Variants in FIP1L1 observed in about 807,000 individuals in gnomAD.
The protein encoded by FIP1L1 is factor interacting with PAPOLA and CPSF1.
FIP1L1 carries 21 observed loss-of-function variants against 84.6 expected under a neutral mutation model. The observed-to-expected ratio is 0.25, with a 90% CI of 0.18 to 0.36. The LOEUF (loss-of-function observed/expected upper bound fraction) is 0.36. Among genes scored for constraint, FIP1L1 ranks in the 10% least tolerant of loss-of-function variants. The pLI, the probability that FIP1L1 is intolerant of heterozygous loss-of-function variation, is 1.00. For missense variants in FIP1L1, 526 were observed against 751.1 expected (o/e 0.70, Z 3.50); for synonymous variants, 263 against 242.3 (o/e 1.09, Z -0.80).
chr4:53,414,860 G>A lies in FIP1L1; in HGVS notation c.923+138G>A, dbSNP rs1283303183. The A allele has an allele frequency of 9.3e-6, 5 of 539,408 alleles. No individual in the cohort carries two copies. The Admixed American group carries it at 1.7e-4, about 19-fold the overall frequency. 33.4% of individuals were successfully genotyped at this position (539,408 alleles called of 1,614,324 possible). A position where few individuals can be genotyped will look rare whatever the true frequency, so the allele number is the denominator to read the frequency against. The stretch of plus-strand genomic sequence containing the variant: ...TATGCTTTTTCAGGGTACAGTTGTA[G>A]GTTTTTTAGTTACCTTATAAATCAA... On this transcript the variant is annotated intron_variant, in intron 11 of 17. Transcript: ENST00000337488.
At position 53,377,768 on chromosome 4, in the gene FIP1L1, G is replaced by A; in HGVS notation, c.-71G>A. ...GGGTTCGCGCCCTTCTCGCGCCTCGGGGCTGCGAGGCTGGGGAAGGGGTTG... is the reference window on the plus strand; with the variant it reads ...GGGTTCGCGCCCTTCTCGCGCCTCGAGGCTGCGAGGCTGGGGAAGGGGTTG... On this transcript the variant is annotated 5_prime_UTR_variant, in exon 1 of 18. Coordinates refer to ENST00000337488, the MANE Select transcript of FIP1L1 (RefSeq NM_030917.4). 1 of 1,386,920 alleles carries A rather than the reference G, an allele frequency of 7.2e-7. No homozygotes were observed. The highest frequency in any genetic ancestry group is 1.5e-5 in the African/African-American group (1 of 67,926). The allele number at this position is 1,386,920 out of a possible 1,614,324, so 85.9% of individuals were successfully genotyped here.
intron 10 of FIP1L1, among the ~76,000 whole-genome samples, chr4:53,413,940 C>T (rs1758319005): frequency 6.6e-6 from 1 of 151,880 alleles, no homozygotes; most frequent in Admixed American, 6.6e-5. Context: ...TTTGTTTTTC[C>T]TGTGTTTCTT....
At chr4:53,410,247 C>T (rs1208471793) in intron 10 of FIP1L1, among the ~76,000 whole-genome samples, 4 of 152,084 alleles carry the variant, frequency 2.6e-5, no homozygotes, top group South Asian at 2.1e-4. Flanking sequence ...TTTTGATTTT[C>T]GGTCAGCTTA....
intron 5 of FIP1L1, among the ~76,000 whole-genome samples, chr4:53,389,066 A>AT (rs1428255323): frequency 7.2e-5 from 11 of 152,342 alleles, no homozygotes; most frequent in African/African-American, 2.6e-4. Context: ...ATGAAACATA[A>AT]TTGGCATCCT....
chr4:53,382,106 C>T (rs1417577600), intron 3 of FIP1L1, among the ~76,000 whole-genome samples, 172 bp from the exon 4 acceptor site: 4 of 151,994 alleles, frequency 2.6e-5, no homozygotes, highest in African/African-American at 7.3e-5. Context: ...GAGTACTTGT[C>T]TTCTGCAAGT....
chr4:53,408,427 AT>A (rs1315411112), intron 10 of FIP1L1, among the ~76,000 whole-genome samples: 2 of 151,826 alleles, frequency 1.3e-5, no homozygotes, highest in Non-Finnish European at 1.5e-5. Flanking sequence ...TGCCCTGAAC[AT>A]TTTTTCCTTC....
chr4:53,403,532 G>A (rs954784894), intron 10 of FIP1L1, among the ~76,000 whole-genome samples: 1 of 152,058 alleles, frequency 6.6e-6, no homozygotes, highest in Non-Finnish European at 1.5e-5. Flanking sequence ...GTAAAAATCC[G>A]TGCTTCGGAT....
rs1029347211 is a variant in FIP1L1, at chr4:53,453,259, AT to A, written c.1499+127del. The A allele has an allele frequency of 1.7e-5, 18 of 1,051,368 alleles. No homozygotes were observed. The Admixed American group carries it at 3.1e-4, about 18-fold the overall frequency. 65.1% of individuals were successfully genotyped at this position (1,051,368 alleles called of 1,614,324 possible). On this transcript the variant is annotated intron_variant, in intron 16 of 17. Transcript: ENST00000337488. ...TGCTCAGGGAGTACATAGGAAAGCC[AT>A]CTTAAAATGATAAAGGATTAGAGGC... is the stretch of plus-strand genomic sequence containing the variant.
At chr4:53,397,304 C>T (rs1490540866) in intron 9 of FIP1L1, among the ~76,000 whole-genome samples, 5 of 152,202 alleles carry the variant, frequency 3.3e-5, no homozygotes, top group Admixed American at 2.0e-4. Flanking sequence ...AGCTTTCCTT[C>T]ATTCCTCTTC....
intron 10 of FIP1L1, among the ~76,000 whole-genome samples, chr4:53,404,871 T>C (rs1752386836): frequency 6.6e-6 from 1 of 151,698 alleles, no homozygotes; most frequent in Non-Finnish European, 1.5e-5. Context: ...TTTTTTCTTG[T>C]AAATTTGTTT....
At chr4:53,445,376 C>T (rs1355122423) in intron 15 of FIP1L1, among the ~76,000 whole-genome samples, 2 of 152,084 alleles carry the variant, frequency 1.3e-5, no homozygotes, top group Non-Finnish European at 2.9e-5. Context: ...AATTTTCTCC[C>T]TACTCTTCCT....
At chr4:53,416,156 C>G (rs1308802388) in intron 11 of FIP1L1, among the ~76,000 whole-genome samples, 1 of 152,126 alleles carries the variant, frequency 6.6e-6, no homozygotes, top group Non-Finnish European at 1.5e-5. Flanking sequence ...CATAATTGTA[C>G]TAATACAACT....
At chr4:53,393,267 C>T (rs953886016) in intron 9 of FIP1L1, among the ~76,000 whole-genome samples, 1 of 152,126 alleles carries the variant, frequency 6.6e-6, no homozygotes, top group African/African-American at 2.4e-5. Context: ...AGGGCCTGAA[C>T]TCACTTATGA....
At chr4:53,402,822 G>A in intron 10 of FIP1L1, among the ~76,000 whole-genome samples, 1 of 152,204 alleles carries the variant, frequency 6.6e-6, no homozygotes. Flanking sequence ...AAAGGGATGA[G>A]ATGTAATATG....
Position 53,377,813 on chromosome 4 carries a change from G to C in FIP1L1, c.-26G>C. 5 of 1,533,982 alleles carry C rather than the reference G, an allele frequency of 3.3e-6. No individual in the cohort carries two copies. The highest frequency in any genetic ancestry group is 3.5e-6 in the Non-Finnish European group (4 of 1,137,410). ...GGGTTGGAGGGGGCTGTTGATCGCC[G>C]CGTTTAAGTTGCGCTCGGGGCGGCC... On this transcript the variant is annotated 5_prime_UTR_variant, in exon 1 of 18. Transcript: ENST00000337488.
At chr4:53,407,917 C>G (rs1470136183) in intron 10 of FIP1L1, among the ~76,000 whole-genome samples, 2 of 152,164 alleles carry the variant, frequency 1.3e-5, no homozygotes, top group Admixed American at 1.3e-4. Context: ...TTCCTGAATA[C>G]AGCACACTGA....
intron 10 of FIP1L1, among the ~76,000 whole-genome samples, chr4:53,413,984 A>G (rs180769508): frequency 2.0e-4 from 30 of 152,320 alleles, no homozygotes; most frequent in African/African-American, 7.2e-4. Context: ...AAACATGTAT[A>G]TATATCCTGT....
intron 15 of FIP1L1, among the ~76,000 whole-genome samples, chr4:53,448,239 G>A (rs368730896): frequency 4.6e-5 from 7 of 151,992 alleles, no homozygotes; most frequent in South Asian, 2.1e-4. Context: ...ATAGTCTGTC[G>A]TTCCTGAGGG....
At chr4:53,458,878 C>T in intron 17 of FIP1L1, 88 bp downstream of exon 17, 2 of 1,423,824 alleles carry the variant, frequency 1.4e-6, no homozygotes, top group Non-Finnish European at 1.9e-6. Context: ...GAAATTTTGG[C>T]CTATGAACCA....
Sources: gnomAD v4.1 joint callset for allele counts (sites outside exome capture counted in the v4.1 genomes callset) on GRCh38, gnomAD v4.1.1 for gene constraint, MANE v1.5 for transcripts, NCBI Gene and HGNC (gene_info 2026-07-23, HGNC 2026-07-21) for gene names.